Variants in NUP133 observed in about 807,000 individuals in gnomAD.
NUP133 encodes the protein nuclear pore complex protein Nup133.
A neutral mutation model predicts 146.2 loss-of-function variants in NUP133; 66 were observed. The observed-to-expected ratio is 0.45, with a 90% CI of 0.37 to 0.55. The LOEUF is 0.55. Ranked by LOEUF, NUP133 falls within the 20% of genes least tolerant of loss-of-function variation. The pLI is 0.00. For missense variants in NUP133, 1,277 were observed against 1,374.8 expected, an observed-to-expected ratio of 0.93 and a Z score of 1.12; for synonymous variants, 521 against 498.8, an observed-to-expected ratio of 1.04 and a Z score of -0.59.
At chr1:229,497,869 C>T (rs1423246392) in intron 6 of NUP133, among the ~76,000 whole-genome samples, 2 of 152,172 alleles carry the variant, frequency 1.3e-5, no homozygotes, top group East Asian at 3.8e-4. Context: ...TTAAGAAACA[C>T]ATTTTATATT....
Position 229,500,752 on chromosome 1 carries a change from C to T in NUP133, c.513+4G>A. 6.3e-7 allele frequency: 1 copy of T among 1,585,250 alleles called. No homozygotes were observed. ...TTATTTAAATAAGCTTTTAAGTCAC[C>T]TACCTGAGTAGAATGTGCTTCACCT... On this transcript the variant is annotated splice_donor_region_variant and intron_variant, in intron 4 of 25. Transcript: ENST00000261396.
At chr1:229,455,713 T>C (rs1407123261) in intron 21 of NUP133, among the ~76,000 whole-genome samples, 2 of 152,226 alleles carry the variant, frequency 1.3e-5, no homozygotes, top group Non-Finnish European at 2.9e-5. Flanking sequence ...ATAGGTAATT[T>C]TTTTTCAGCA....
chr1:229,499,613 T>TA, intron 5 of NUP133, 71 bp downstream of exon 5: 1 of 1,523,252 alleles, frequency 6.6e-7, no homozygotes, highest in East Asian at 2.3e-5. Context: ...TATTTAAAAA[T>TA]AAAAACAAAA....
At chr1:229,501,896 TC>T in intron 3 of NUP133, 102 bp downstream of exon 3, 1 of 768,290 alleles carries the variant, frequency 1.3e-6, no homozygotes. Flanking sequence ...CTAAGTAGTT[TC>T]CTATTGACTA....
chr1:229,455,002 C>T (rs1241251318), intron 21 of NUP133, among the ~76,000 whole-genome samples: 3 of 152,176 alleles, frequency 2.0e-5, no homozygotes, highest in East Asian at 1.9e-4. Context: ...TTACAACTAC[C>T]CTTGTTATAG....
At chr1:229,467,094 A>C (rs1660843324) in intron 15 of NUP133, among the ~76,000 whole-genome samples, 1 of 152,230 alleles carries the variant, frequency 6.6e-6, no homozygotes, top group Admixed American at 6.5e-5. Flanking sequence ...TAATACCCCA[A>C]ACTAATGAAC....
intron 24 of NUP133, among the ~76,000 whole-genome samples, chr1:229,447,582 T>A (rs1571903681): frequency 6.6e-6 from 1 of 152,138 alleles, no homozygotes; most frequent in Non-Finnish European, 1.5e-5. Context: ...TTTTCAGCCC[T>A]GTTCCTCAAT....
intron 10 of NUP133, among the ~76,000 whole-genome samples, chr1:229,487,258 T>C (rs563856443): frequency 6.6e-6 from 1 of 152,312 alleles, no homozygotes; most frequent in East Asian, 1.9e-4. Context: ...TGTTACTATC[T>C]TTGTCTGTAA....
chr1:229,498,251 T>A lies in NUP133; in HGVS notation c.704A>T (p.Glu235Val), dbSNP rs1661704504. Residue 235 changes from glutamate (E) to valine (V), a missense_variant, in exon 6 of 26, where the codon GAG becomes GTG. By Grantham distance (121) the Glu-to-Val change is moderately radical (BLOSUM62 -2). Around this residue, in one of 3 missense-constraint regions of NUP133, gnomAD observed 319 missense variants for 306.9 expected, o/e 1.04. Transcript: ENST00000261396. ...ATGCTGATGAATCTTTCCTGAGCTC[T>A]CAGGTATCAACCGAATTAGTTGGCT... ...SGSQLIRLIPESSGKIHQHIL... is the reference protein window; with the variant it reads ...SGSQLIRLIPVSSGKIHQHIL... The A allele has an allele frequency of 6.2e-7, 1 of 1,609,310 alleles. No individual in the cohort carries two copies. Among genetic ancestry groups the A allele is most frequent in the African/African-American group, 1.3e-5 (1 of 74,664 alleles).
intron 3 of NUP133, 88 bp downstream of exon 3, chr1:229,501,911 T>C (rs1026845506): frequency 1.9e-5 from 18 of 938,614 alleles, no homozygotes; most frequent in Middle Eastern, 2.2e-4. Flanking sequence ...TTGACTATCC[T>C]CCAACTGTAA....
chr1:229,484,778 T>A (rs1384378702), intron 11 of NUP133, among the ~76,000 whole-genome samples: 3 of 152,178 alleles, frequency 2.0e-5, no homozygotes, highest in African/African-American at 7.2e-5. Context: ...ATAATAACCA[T>A]ACAATTACAA....
At chr1:229,473,515 G>A (rs11578190) in intron 14 of NUP133, among the ~76,000 whole-genome samples, 1,593 of 152,152 alleles carry the variant, frequency 0.01, 13 homozygotes, top group Non-Finnish European at 0.017. Flanking sequence ...CATGGCTTTC[G>A]GGCCTCTGAT....
intron 1 of NUP133, 113 bp downstream of exon 1, chr1:229,507,955 G>A (rs918126436): frequency 4.6e-6 from 6 of 1,293,952 alleles, no homozygotes; most frequent in Middle Eastern, 6.0e-4. Context: ...CCAATACTGT[G>A]GCATTCTATT....
At chr1:229,507,849 AG>A (rs2102791294) in intron 1 of NUP133, 2 of 902,780 alleles carry the variant, frequency 2.2e-6, no homozygotes, top group East Asian at 1.2e-4. Context: ...TTCTGCACAA[AG>A]GTATCCATGA....
rs1571947289 is a variant in NUP133, at chr1:229,508,263, A to G, written c.-14T>C. 6.1e-6 allele frequency: 9 copies of G among 1,486,752 alleles called. No homozygotes were observed. The East Asian group carries it at 2.1e-4, about 35-fold the overall frequency. 92.1% of individuals were successfully genotyped at this position (1,486,752 alleles called of 1,614,324 possible). A position where few individuals can be genotyped will look rare whatever the true frequency, so the allele number is the denominator to read the frequency against. ...GGCTGGGAACATGACTCCAAGGAGCAGCGACTAGGACAGCGAGGGATCTGG... is the reference window on the plus strand; with the variant it reads ...GGCTGGGAACATGACTCCAAGGAGCGGCGACTAGGACAGCGAGGGATCTGG... On this transcript the variant is annotated 5_prime_UTR_variant, in exon 1 of 26. Transcript: ENST00000261396.
Position 229,495,581 on chromosome 1 carries a change from A to G in NUP133, c.976-16T>C. ...TTTCAGATCCCTACATGAAAATATCAATAATGTAAGCTTCTCAAGTGCAGG... is the reference window on the plus strand; with the variant it reads ...TTTCAGATCCCTACATGAAAATATCGATAATGTAAGCTTCTCAAGTGCAGG... On this transcript the variant is annotated splice_polypyrimidine_tract_variant and intron_variant, in intron 7 of 25. Coordinates refer to ENST00000261396, the MANE Select transcript of NUP133 (RefSeq NM_018230.3). 6.5e-7 allele frequency: 1 copy of G among 1,549,896 alleles called. No individual in the cohort carries two copies.
intron 12 of NUP133, among the ~76,000 whole-genome samples, chr1:229,481,481 G>A (rs1489715636): frequency 6.6e-6 from 1 of 152,122 alleles, no homozygotes; most frequent in Non-Finnish European, 1.5e-5. Flanking sequence ...GGCTGTGGTG[G>A]GTGGATCTTG....
chr1:229,473,797 G>A (rs1392806911), intron 14 of NUP133, among the ~76,000 whole-genome samples: 4 of 152,126 alleles, frequency 2.6e-5, no homozygotes, highest in Non-Finnish European at 5.9e-5. Flanking sequence ...AGCACCATGC[G>A]CCTGTAGTCC....
In NUP133 at chr1:229,508,220, G is replaced by A. The variant is rs757165877; in HGVS notation, c.30C>T (p.Thr10=). 2 of 1,546,930 alleles carry A rather than the reference G, an allele frequency of 1.3e-6. No individual in the cohort carries two copies. ...GGCCCCTTCGGGACCCGGTACCCGG[G>A]GTCCGCGGAGAAGGGGCGGCTGGGA... MFPAAPSPR[T]PGTGSRRGPL... The change falls in exon 1 of 26, where the codon ACC becomes ACT. Residue 10 remains threonine, a synonymous_variant. Transcript: ENST00000261396.
Sources: gnomAD v4.1 joint callset for allele counts (sites outside exome capture counted in the v4.1 genomes callset) on GRCh38, gnomAD v4.1.1 for gene constraint, gnomAD v4.1.1 regional missense constraint, MANE v1.5 for transcripts, NCBI Gene and HGNC (gene_info 2026-07-23, HGNC 2026-07-21) for gene names.